The following SLC24A2 variants were observed in gnomAD, a reference collection of about 807,000 sequenced individuals.
SLC24A2 encodes sodium/potassium/calcium exchanger 2.
In SLC24A2, 36 loss-of-function variants were observed where a neutral mutation model predicts 62.0. That is an observed-to-expected ratio of 0.58 (90% confidence interval 0.44 to 0.77). The LOEUF (loss-of-function observed/expected upper bound fraction) is 0.77, where lower values mean the gene tolerates loss of function less well. SLC24A2 is among the 30% of genes least tolerant of loss of function. The pLI is 0.00. For synonymous variants in SLC24A2, 358 were observed against 294.0 expected (o/e 1.22, Z -2.23); for missense variants, 846 against 817.9 (o/e 1.03, Z -0.42).
At chr9:19,842,605 A>G in the SLC24A2 span, among the ~76,000 whole-genome samples, 3 of 152,196 alleles carry the variant, frequency 2.0e-5, no homozygotes, top group African/African-American at 7.2e-5. Flanking sequence ...ACTTTGAGCT[A>G]TACTGGTTTA....
At chr9:19,516,875 T>C (rs1268068019) in intron 10 of SLC24A2, among the ~76,000 whole-genome samples, 1 of 152,076 alleles carries the variant, frequency 6.6e-6, no homozygotes, top group African/African-American at 2.4e-5. Flanking sequence ...CTTAATAGTC[T>C]AAAGGCAAGT....
the SLC24A2 span, among the ~76,000 whole-genome samples, chr9:20,013,653 A>G: frequency 2.6e-5 from 4 of 152,230 alleles, no homozygotes; most frequent in East Asian, 5.8e-4. Flanking sequence ...ATAGTTGAAT[A>G]CCATAAGAAA....
the SLC24A2 span, among the ~76,000 whole-genome samples, chr9:20,062,133 G>C: frequency 5.1e-4 from 77 of 152,308 alleles, 4 homozygotes; most frequent in South Asian, 0.015. Flanking sequence ...GGGAGCTGAA[G>C]TGGGAGGATC....
intron 2 of SLC24A2, among the ~76,000 whole-genome samples, chr9:19,641,033 T>A (rs1885223): frequency 0.75 from 113,445 of 152,132 alleles, 42,403 homozygotes; most frequent in East Asian, 0.87. Context: ...GCGGGAGATC[T>A]AAAGTGGGGA....
chr9:20,270,121 A>G, the SLC24A2 span, among the ~76,000 whole-genome samples: 12 of 152,272 alleles, frequency 7.9e-5, no homozygotes, highest in African/African-American at 2.9e-4. Context: ...AAAATAATCC[A>G]GTCTTGTCAG....
At chr9:19,636,995 C>T (rs1472636446) in intron 2 of SLC24A2, among the ~76,000 whole-genome samples, 2 of 152,198 alleles carry the variant, frequency 1.3e-5, no homozygotes, top group Non-Finnish European at 2.9e-5. Context: ...TTTGGAAAAA[C>T]TATTTGGAAT....
chr9:19,875,799 AATCTGGGGCTAG>A, the SLC24A2 span, among the ~76,000 whole-genome samples: 1 of 152,196 alleles, frequency 6.6e-6, no homozygotes, highest in Non-Finnish European at 1.5e-5. Flanking sequence ...ATATGAGAAG[AATCTGGGGCTAG>A]ATCATGTCAC....
intron 2 of SLC24A2, among the ~76,000 whole-genome samples, chr9:19,746,029 C>T (rs980243047): frequency 6.6e-6 from 1 of 151,702 alleles, no homozygotes; most frequent in African/African-American, 2.4e-5. Context: ...GAAAAGACTA[C>T]AGAAGAAAGT....
intron 2 of SLC24A2, among the ~76,000 whole-genome samples, chr9:19,740,274 T>C (rs1475185467): frequency 6.6e-6 from 1 of 152,206 alleles, no homozygotes; most frequent in Admixed American, 6.5e-5. Flanking sequence ...AAGACATGTA[T>C]AACAATGTTC....
At chr9:19,629,424 T>C (rs577015036) in intron 2 of SLC24A2, among the ~76,000 whole-genome samples, 1 of 152,330 alleles carries the variant, frequency 6.6e-6, no homozygotes, top group African/African-American at 2.4e-5. Flanking sequence ...GTTTATTTTG[T>C]ACAAAAAGCT....
the SLC24A2 span, among the ~76,000 whole-genome samples, chr9:19,956,550 C>T: frequency 1.3e-5 from 2 of 152,192 alleles, no homozygotes; most frequent in South Asian, 4.2e-4. Context: ...GCTGGGGAGG[C>T]CTCACAATTG....
At chr9:20,185,570 C>A in the SLC24A2 span, among the ~76,000 whole-genome samples, 1 of 148,918 alleles carries the variant, frequency 6.7e-6, no homozygotes, top group Admixed American at 6.8e-5. Flanking sequence ...GAGGCTGAGG[C>A]AGGAGAATGG....
At chr9:19,983,102 G>C in the SLC24A2 span, among the ~76,000 whole-genome samples, 1 of 152,170 alleles carries the variant, frequency 6.6e-6, no homozygotes, top group Non-Finnish European at 1.5e-5. Flanking sequence ...TTAGGAACAA[G>C]ACAAGGATGC....
chr9:19,656,844 T>A (rs141612056), intron 2 of SLC24A2, among the ~76,000 whole-genome samples: 214 of 152,322 alleles, frequency 1.4e-3, no homozygotes, highest in Admixed American at 5.3e-3. Context: ...GTGTTCCGCA[T>A]CCACCGTTAC....
At chr9:20,090,332 G>A in the SLC24A2 span, among the ~76,000 whole-genome samples, 1 of 152,142 alleles carries the variant, frequency 6.6e-6, no homozygotes, top group Non-Finnish European at 1.5e-5. Context: ...TCCAAGTTGG[G>A]GAGGGCACAT....
At chr9:20,265,048 T>C in the SLC24A2 span, among the ~76,000 whole-genome samples, 1 of 152,216 alleles carries the variant, frequency 6.6e-6, no homozygotes, top group Non-Finnish European at 1.5e-5. Flanking sequence ...TGAGGATACA[T>C]CCAGGCCAGC....
chr9:19,636,308 T>TTTCCTTTCCTTTC lies in SLC24A2; in HGVS notation c.931-14010_931-14009insGAAAGGAAAGGAA, dbSNP rs1564009582. On this transcript the variant is annotated intron_variant, in intron 2 of 10. Coordinates refer to ENST00000341998, the MANE Select transcript of SLC24A2 (RefSeq NM_020344.4). ...TCTCTTCTTTTCTTTTCTTTTCTTT[T>TTTCCTTTCCTTTC]CTTTTCTTTTCTTTCTTTCTTTCTT... is the stretch of plus-strand genomic sequence containing the variant. 2.5e-4 allele frequency among the ~76,000 whole-genome samples: 10 copies of TTTCCTTTCCTTTC among 39,864 alleles called. 1 individual carries two copies. Among genetic ancestry groups the TTTCCTTTCCTTTC allele is most frequent in the African/African-American group, 1.1e-3 (10 of 9,414 alleles). The allele number at this position is 39,864 out of a possible 152,430, so 26.2% of individuals were successfully genotyped here.
the SLC24A2 span, among the ~76,000 whole-genome samples, chr9:20,035,063 A>T: frequency 6.6e-6 from 1 of 152,176 alleles, no homozygotes; most frequent in Non-Finnish European, 1.5e-5. Flanking sequence ...CCATATTATT[A>T]TACTTACAGA....
At chr9:19,966,317 G>T in the SLC24A2 span, among the ~76,000 whole-genome samples, 1 of 152,156 alleles carries the variant, frequency 6.6e-6, no homozygotes, top group Non-Finnish European at 1.5e-5. Context: ...AACTCCGTGT[G>T]TGCATGCCCA....
Sources: gnomAD v4.1 joint callset for allele counts (sites outside exome capture counted in the v4.1 genomes callset) on GRCh38, gnomAD v4.1.1 for gene constraint, MANE v1.5 for transcripts, NCBI Gene and HGNC (gene_info 2026-07-23, HGNC 2026-07-21) for gene names.